Variants in TENM4 observed in about 807,000 individuals in gnomAD.
TENM4 encodes teneurin-4.
In TENM4, 82 loss-of-function variants were observed where a neutral mutation model predicts 243.3. The observed-to-expected ratio is 0.34, with a 90% CI of 0.28 to 0.40. TENM4 has a LOEUF of 0.40. Among genes scored for constraint, TENM4 ranks in the 10% least tolerant of loss-of-function variants. The probability of loss-of-function intolerance (pLI) is 1.00; values close to 1 mark genes in which losing one functional copy is unlikely to be tolerated. For synonymous variants in TENM4, 1,412 were observed against 1,456.3 expected (o/e 0.97, Z 0.69); for missense variants, 3,138 against 3,673.3 (o/e 0.85, Z 3.77).
intron 6 of TENM4, among the ~76,000 whole-genome samples, chr11:78,968,926 T>C (rs185982054): frequency 1.1e-4 from 17 of 152,330 alleles, no homozygotes; most frequent in Admixed American, 5.9e-4. Flanking sequence ...GAACTTCCTA[T>C]TGGGCAAACC....
Position 79,164,957 on chromosome 11 carries a change from A to ATATATGTGTG in TENM4, c.-162-16152_-162-16151insCACACATATA, listed in dbSNP as rs1555020448. On this transcript the variant is annotated intron_variant, in intron 3 of 33. Transcript: ENST00000278550. ...GAAAATGGACTAATACTATATATAT[A>ATATATGTGTG]TGTGTGTGTGTGTGTGTGTGTGTGT... Among the ~76,000 whole-genome samples the ATATATGTGTG allele has an allele frequency of 1.8e-3, 253 of 139,926 alleles. 2 individuals carry two copies. Among genetic ancestry groups the ATATATGTGTG allele is most frequent in the African/African-American group, 4.8e-3 (182 of 37,986 alleles). 91.8% of individuals were successfully genotyped at this position (139,926 alleles called of 152,430 possible).
intron 12 of TENM4, among the ~76,000 whole-genome samples, chr11:78,837,552 A>C (rs1858144906): frequency 6.6e-6 from 1 of 152,186 alleles, no homozygotes; most frequent in Admixed American, 6.5e-5. Context: ...AACCTGATGA[A>C]CCTTCTCCTG....
chr11:78,661,717 A>T (rs1465466600), intron 32 of TENM4, 126 bp from the exon 33 acceptor site: 2 of 1,205,910 alleles, frequency 1.7e-6, no homozygotes, highest in East Asian at 5.1e-5. Context: ...CTGGTGGGAG[A>T]GTCAACTGCT....
chr11:79,120,296 GA>G (rs1167837909), intron 4 of TENM4, among the ~76,000 whole-genome samples: 2 of 152,168 alleles, frequency 1.3e-5, no homozygotes, highest in Non-Finnish European at 2.9e-5. Flanking sequence ...AATGCTCATA[GA>G]AAAACACACA....
intron 2 of TENM4, among the ~76,000 whole-genome samples, chr11:79,291,474 C>A (rs752130650): frequency 6.6e-6 from 1 of 152,114 alleles, no homozygotes; most frequent in Non-Finnish European, 1.5e-5. Context: ...CAAACATCCA[C>A]CCTAGCAACA....
chr11:79,276,697 G>C (rs1590845205), intron 2 of TENM4, among the ~76,000 whole-genome samples: 1 of 152,064 alleles, frequency 6.6e-6, no homozygotes, highest in African/African-American at 2.4e-5. Flanking sequence ...GGTTCCAATG[G>C]CCCTGTCATC....
At chr11:79,384,937 T>TTAAAATAAAATAAAATAAAATAAAA (rs58915516) in intron 1 of TENM4, among the ~76,000 whole-genome samples, 10,284 of 114,280 alleles carry the variant, frequency 0.09, 1,060 homozygotes, top group Non-Finnish European at 0.11. Flanking sequence ...AAAAATAAAA[T>TTAAAATAAAATAAAATAAAATAAAA]TAAAATAAAA....
intron 7 of TENM4, among the ~76,000 whole-genome samples, chr11:78,895,609 C>A (rs977605645): frequency 6.6e-6 from 1 of 152,126 alleles, no homozygotes; most frequent in African/African-American, 2.4e-5. Flanking sequence ...GAAACAAATG[C>A]CCACCTTTCT....
chr11:78,999,336 A>G (rs1858257063), intron 6 of TENM4, among the ~76,000 whole-genome samples: 1 of 152,020 alleles, frequency 6.6e-6, no homozygotes, highest in African/African-American at 2.4e-5. Flanking sequence ...ACATGGTGAA[A>G]CCCTGTCTCT....
rs190963529 is a variant in TENM4, at chr11:78,804,355, A to C, written c.2179+937T>G. On this transcript the variant is annotated intron_variant, in intron 15 of 33. Coordinates refer to ENST00000278550, the MANE Select transcript of TENM4 (RefSeq NM_001098816.3). ...TTTGGTCTCCATCCTCTCTGATTAG[A>C]AGAGTGCCTGGTATACTGTAGGGGC... 3.9e-5 allele frequency among the ~76,000 whole-genome samples: 6 copies of C among 152,292 alleles called. No homozygotes were observed. In the East Asian group the frequency reaches 1.2e-3, roughly 29 times the overall value.
chr11:78,925,280 C>T (rs1456725401), intron 6 of TENM4, among the ~76,000 whole-genome samples: 1 of 151,596 alleles, frequency 6.6e-6, no homozygotes, highest in Non-Finnish European at 1.5e-5. Context: ...CAAATTCTAT[C>T]CATCAGCATT....
chr11:78,787,614 C>T (rs990125740), intron 15 of TENM4, among the ~76,000 whole-genome samples: 2 of 152,052 alleles, frequency 1.3e-5, no homozygotes, highest in African/African-American at 2.4e-5. Flanking sequence ...GGTTGGGGTG[C>T]GGGAGGGAGG....
In TENM4 at chr11:79,060,406, G is replaced by A. The variant is rs535409411; in HGVS notation, c.493+4332C>T. Among the ~76,000 whole-genome samples the A allele has an allele frequency of 5.3e-5, 8 of 152,298 alleles. No individual in the cohort carries two copies. In the East Asian group the frequency reaches 7.7e-4, roughly 15 times the overall value. On this transcript the variant is annotated intron_variant, in intron 6 of 33. Coordinates refer to ENST00000278550, the MANE Select transcript of TENM4 (RefSeq NM_001098816.3). ...GGACCCCATAAAAGTTATTATTGAT[G>A]GCAGCTGCATGCAGCATCAGTGTGA...
intron 2 of TENM4, among the ~76,000 whole-genome samples, chr11:79,252,586 T>G (rs1044038127): frequency 2.0e-5 from 3 of 152,198 alleles, no homozygotes; most frequent in African/African-American, 7.2e-5. Flanking sequence ...GGGCAACTAC[T>G]GGGTGCTGTG....
intron 6 of TENM4, among the ~76,000 whole-genome samples, chr11:78,926,502 G>C (rs1856553657): frequency 6.6e-6 from 1 of 151,988 alleles, no homozygotes. Context: ...TCAAACTCCT[G>C]ACCTCATGAT....
intron 16 of TENM4, among the ~76,000 whole-genome samples, chr11:78,781,489 C>T (rs894346984): frequency 7.2e-5 from 11 of 152,186 alleles, no homozygotes; most frequent in African/African-American, 2.2e-4. Context: ...TTGGTCTGCA[C>T]GGTCTTAGCT....
At chr11:78,670,617 C>CCTTT in intron 31 of TENM4, 66 bp from the exon 32 acceptor site, 1 of 1,456,114 alleles carries the variant, frequency 6.9e-7, no homozygotes, top group Non-Finnish European at 9.3e-7. Flanking sequence ...GTCTACATAC[C>CCTTT]CGAGACTTAA....
chr11:79,234,022 T>C (rs1412550470), intron 2 of TENM4, among the ~76,000 whole-genome samples: 2 of 152,180 alleles, frequency 1.3e-5, no homozygotes, highest in Non-Finnish European at 2.9e-5. Flanking sequence ...GCACAGAGTT[T>C]GGACTCAGGC....
intron 1 of TENM4, among the ~76,000 whole-genome samples, chr11:79,413,721 T>C (rs576181631): frequency 4.6e-4 from 70 of 152,310 alleles, no homozygotes; most frequent in Middle Eastern, 3.4e-3. Flanking sequence ...ATTGGGGCAA[T>C]CTGAATATGG....
Sources: allele counts gnomAD v4.1 joint callset (sites outside exome capture counted in the v4.1 genomes callset), GRCh38; gene constraint gnomAD v4.1.1; transcripts MANE v1.5; gene names NCBI Gene and HGNC (gene_info 2026-07-23, HGNC 2026-07-21).